Variants in PRMT7 observed in about 807,000 individuals in gnomAD.
The protein encoded by PRMT7 is protein arginine methyltransferase 7.
A neutral mutation model predicts 85.4 loss-of-function variants in PRMT7; 75 were observed. The observed-to-expected ratio is 0.88, with a 90% CI of 0.73 to 1.06. PRMT7 has a LOEUF of 1.06. Among genes scored for constraint, PRMT7 ranks in the 50% least tolerant of loss-of-function variants. The pLI is 0.00. For synonymous variants in PRMT7, 397 were observed against 359.5 expected (o/e 1.10, Z -1.18); for missense variants, 868 against 915.2 (o/e 0.95, Z 0.67).
In PRMT7 at chr16:68,332,438, C is replaced by G. The variant is rs374647982; in HGVS notation, c.391+3264C>G. Among the ~76,000 whole-genome samples the G allele has an allele frequency of 3.3e-5, 5 of 152,328 alleles. No homozygotes were observed. The East Asian group carries it at 5.8e-4, about 18-fold the overall frequency. Reference sequence around the variant, plus strand: ...CTAAGGCTGTTTAGCCAGACAGTTACTGTAACCTTTCTGGAGTGTCTGCTG... The same window carrying G: ...CTAAGGCTGTTTAGCCAGACAGTTAGTGTAACCTTTCTGGAGTGTCTGCTG... On this transcript the variant is annotated intron_variant, in intron 6 of 18. Transcript: ENST00000441236.
chr16:68,359,307 G>A (rs577606128), downstream of PRMT7: 1 of 152,626 alleles, frequency 6.6e-6, no homozygotes, highest in African/African-American at 2.4e-5. Flanking sequence ...AAGGCTCACA[G>A]GCCAGCCCCT....
At chr16:68,332,127 T>G (rs1329343753) in intron 6 of PRMT7, among the ~76,000 whole-genome samples, 1 of 152,238 alleles carries the variant, frequency 6.6e-6, no homozygotes, top group African/African-American at 2.4e-5. Context: ...AGGGCTTGTT[T>G]AAGCTTTCTT....
intron 13 of PRMT7, among the ~76,000 whole-genome samples, chr16:68,347,956 G>A (rs527827484): frequency 6.6e-6 from 1 of 152,192 alleles, no homozygotes; most frequent in Non-Finnish European, 1.5e-5. Flanking sequence ...ATTAAATGTA[G>A]GATGTGTTTC....
At chr16:68,328,220 A>C (rs2083362847) in intron 5 of PRMT7, 1 of 231,552 alleles carries the variant, frequency 4.3e-6, no homozygotes, top group Admixed American at 4.8e-5. Context: ...ACTTTGATGT[A>C]AATCCTGCCC....
chr16:68,360,599 A>AC (rs2089199707), downstream of PRMT7: 1 of 153,016 alleles, frequency 6.5e-6, no homozygotes. Flanking sequence ...TGAATGCGAG[A>AC]CCCTGGGAAG....
intron 4 of PRMT7, chr16:68,323,572 T>G (rs2082754033): frequency 6.6e-6 from 1 of 152,240 alleles, no homozygotes; most frequent in African/African-American, 2.4e-5. Flanking sequence ...CCAGTCTGAT[T>G]TAGTCTTTTG....
Position 68,340,582 on chromosome 16 carries a change from A to T in PRMT7, c.927+614A>T, listed in dbSNP as rs904524778. Among the ~76,000 whole-genome samples, 12 of 19,356 alleles carry T rather than the reference A, an allele frequency of 6.2e-4. No homozygotes were observed. The East Asian group carries it at 0.036, about 58-fold the overall frequency. 12.7% of individuals were successfully genotyped at this position (19,356 alleles called of 152,430 possible). A position where few individuals can be genotyped will look rare whatever the true frequency, so the allele number is the denominator to read the frequency against. ...GGCAATAAGATGAGAACCTGTCTCTAAAAAAAAAAAAAAAGAGAAATGCAA... is the reference window on the plus strand; with the variant it reads ...GGCAATAAGATGAGAACCTGTCTCTTAAAAAAAAAAAAAAGAGAAATGCAA... On this transcript the variant is annotated intron_variant, in intron 9 of 18. Transcript: ENST00000441236.
intron 14 of PRMT7, among the ~76,000 whole-genome samples, chr16:68,350,170 G>A (rs935115461): frequency 1.5e-4 from 23 of 152,238 alleles, no homozygotes; most frequent in Admixed American, 1.5e-3. Context: ...CCATTCATGT[G>A]CTTATGGACG....
chr16:68,328,638 G>C (rs2083430028), intron 5 of PRMT7: 1 of 180,164 alleles, frequency 5.6e-6, no homozygotes, highest in Non-Finnish European at 1.2e-5. Context: ...TAAGAAAATA[G>C]AGGCTGTGTT....
intron 6 of PRMT7, among the ~76,000 whole-genome samples, chr16:68,335,986 A>C (rs2084630323): frequency 1.3e-5 from 2 of 152,082 alleles, no homozygotes. Context: ...CACGTTGGCC[A>C]GGTTGGTTTC....
At chr16:68,316,563 C>T (rs903135003) in intron 3 of PRMT7, among the ~76,000 whole-genome samples, 6 of 152,022 alleles carry the variant, frequency 3.9e-5, no homozygotes, top group Admixed American at 1.3e-4. Context: ...GTCAGGAGTT[C>T]GAGACCAGCC....
chr16:68,347,345 G>A (rs1205022285), intron 12 of PRMT7, 51 bp downstream of exon 12: 1 of 1,479,074 alleles, frequency 6.8e-7, no homozygotes, highest in Non-Finnish European at 9.1e-7. Flanking sequence ...GTGAGTTAGA[G>A]CATTGCGTGG....
intron 16 of PRMT7, chr16:68,354,337 G>GC (rs2087929021): frequency 6.6e-6 from 1 of 152,344 alleles, no homozygotes; most frequent in African/African-American, 2.4e-5. Context: ...CTGCGTTTGT[G>GC]CCACTGCCTC....
intron 9 of PRMT7, among the ~76,000 whole-genome samples, chr16:68,342,211 G>A (rs1410686500): frequency 6.6e-6 from 1 of 152,178 alleles, no homozygotes; most frequent in Non-Finnish European, 1.5e-5. Context: ...CCAGGAGGTG[G>A]AAATTGAAGT....
chr16:68,322,771 G>T (rs545950813), intron 4 of PRMT7, among the ~76,000 whole-genome samples: 1 of 152,114 alleles, frequency 6.6e-6, no homozygotes, highest in Non-Finnish European at 1.5e-5. Context: ...GGTGGCTCAT[G>T]CCTGTAATCC....
chr16:68,328,104 G>A, intron 5 of PRMT7: 1 of 307,236 alleles, frequency 3.3e-6, no homozygotes, highest in Non-Finnish European at 7.1e-6. Flanking sequence ...CCTGGTCATA[G>A]GTAAGCTTGG....
chr16:68,343,937 G>T (rs924058827), intron 9 of PRMT7, among the ~76,000 whole-genome samples: 1 of 152,156 alleles, frequency 6.6e-6, no homozygotes, highest in Non-Finnish European at 1.5e-5. Context: ...GAATGAGCAG[G>T]CAGTCGTCTC....
chr16:68,336,068 C>T (rs949455682), intron 6 of PRMT7, among the ~76,000 whole-genome samples: 7 of 152,136 alleles, frequency 4.6e-5, no homozygotes, highest in Admixed American at 6.5e-5. Flanking sequence ...GGAGCCACCG[C>T]GCCCGGCCCC....
chr16:68,337,435 A>C, intron 6 of PRMT7, 24 bp from the exon 7 acceptor site: 1 of 1,548,644 alleles, frequency 6.5e-7, no homozygotes, highest in Non-Finnish European at 8.9e-7. Flanking sequence ...CTTATGTCCA[A>C]CTCTGTTTTC....
Sources: allele counts gnomAD v4.1 joint callset (sites outside exome capture counted in the v4.1 genomes callset), GRCh38; gene constraint gnomAD v4.1.1; transcripts MANE v1.5; gene names NCBI Gene and HGNC (gene_info 2026-07-23, HGNC 2026-07-21).